OR4A15: variants seen among roughly 807,000 people sequenced by gnomAD.
OR4A15 encodes the protein olfactory receptor family 4 subfamily A member 15, also known as olfactory receptor 4A15.
For synonymous variants in OR4A15, 240 were observed against 135.6 expected, an observed-to-expected ratio of 1.77 and a Z score of -5.35; for missense variants, 657 against 374.7, an observed-to-expected ratio of 1.75 and a Z score of -6.22.
In OR4A15 at chr11:55,368,607, A is replaced by G. The variant is rs539581929; in HGVS notation, c.634A>G (p.Ile212Val). 3 of 1,613,598 alleles carry G rather than the reference A, an allele frequency of 1.9e-6. No individual in the cohort carries two copies. The highest frequency in any genetic ancestry group is 1.7e-5 in the Admixed American group (1 of 59,880). ...GATTTGTGCTGTCACCTTCTTCACT[A>G]TCCTGCTTTCCTATGGGGTCATATT... The change falls in exon 1 of 1, where the codon ATC (isoleucine) becomes GTC (valine). Residue 212 changes from isoleucine (I) to valine (V), a missense_variant. By Grantham distance (29) the Ile-to-Val change is conservative. Transcript: ENST00000641526.
At chr11:55,368,771 T>G (rs1186504493) in exon 1 of OR4A15, 2 of 1,613,624 alleles carry the variant, frequency 1.2e-6, no homozygotes, top group Non-Finnish European at 8.5e-7. Flanking sequence ...TTCCCATTGA[T>G]AAATCCATGA....
At chr11:55,368,408 G>A (rs1273558959) in exon 1 of OR4A15, 2 of 1,613,442 alleles carry the variant, frequency 1.2e-6, no homozygotes, top group Non-Finnish European at 8.5e-7. Flanking sequence ...TGCTGTTGGC[G>A]GCCTGGATTG....
rs771191657 is a variant in OR4A15, at chr11:55,368,458, A to G, written c.485A>G (p.Tyr162Cys). Residue 162 changes from tyrosine (Y) to cysteine (C), a missense_variant, in exon 1 of 1, where the codon TAT becomes TGT. Tyr to Cys is a radical substitution (Grantham distance 194, BLOSUM62 -2). Coordinates refer to ENST00000641526, the Ensembl canonical transcript of OR4A15. ...TCATTGGTTCAATTTCTCTTTATTTATCAGCTCCCTTTCTGTGGACCCAAT... is the reference window on the plus strand; with the variant it reads ...TCATTGGTTCAATTTCTCTTTATTTGTCAGCTCCCTTTCTGTGGACCCAAT... 2.7e-5 allele frequency: 44 copies of G among 1,610,372 alleles called. 1 individual carries two copies. The highest frequency in any genetic ancestry group is 1.5e-4 in the Admixed American group (9 of 59,886).
At chr11:55,368,663 G>T in exon 1 of OR4A15, 1 of 1,613,718 alleles carries the variant, frequency 6.2e-7, no homozygotes, top group Non-Finnish European at 8.5e-7. Context: ...GTTTGGAAGG[G>T]AAACGAAAAG....
chr11:55,368,519 A>G, exon 1 of OR4A15: 2 of 1,613,222 alleles, frequency 1.2e-6, no homozygotes, highest in African/African-American at 1.3e-5. Context: ...TGTATCCCTT[A>G]TTGAAACTTG....
exon 1 of OR4A15, chr11:55,368,044 T>A (rs1853873446): frequency 1.9e-6 from 3 of 1,613,444 alleles, no homozygotes; most frequent in Non-Finnish European, 2.5e-6. Context: ...GGGCAAAAGG[T>A]TTTATTTGTC....
exon 1 of OR4A15, chr11:55,368,789 T>C: frequency 6.2e-7 from 1 of 1,613,712 alleles, no homozygotes; most frequent in Admixed American, 1.7e-5. Context: ...TGACTGTAGT[T>C]CTAACTTTTA....
exon 1 of OR4A15, chr11:55,368,341 C>T (rs1338978608): frequency 7.4e-6 from 12 of 1,612,134 alleles, no homozygotes; most frequent in African/African-American, 2.7e-5. Context: ...CGATACATGG[C>T]CATCTGTAAG....
exon 1 of OR4A15, chr11:55,368,646 A>T (rs1300069646): frequency 1.2e-6 from 2 of 1,613,568 alleles, no homozygotes; most frequent in Admixed American, 3.3e-5. Context: ...CTCTCTTAAG[A>T]CTCAGAGTTT....
chr11:55,368,576 A>T (rs776764091), exon 1 of OR4A15: 20 of 1,613,436 alleles, frequency 1.2e-5, no homozygotes, highest in South Asian at 8.8e-5. Flanking sequence ...TAGCTAATGG[A>T]GGAGCGATTT....
rs147695110 is a variant in OR4A15 at position 55,368,239 on chromosome 11, C to A, written c.266C>A (p.Thr89Asn). 27 of 1,613,798 alleles carry A rather than the reference C, an allele frequency of 1.7e-5. No homozygotes were observed. In the African/African-American group the frequency reaches 3.2e-4, roughly 19 times the overall value. Residue 89 changes from threonine (T) to asparagine (N), a missense_variant, in exon 1 of 1, where the codon ACC becomes AAC. Coordinates refer to ENST00000641526, the Ensembl canonical transcript of OR4A15. ...GTTGACTTGCTCTCTGAGAAAAAGA[C>A]CATTTCCTTTCAGGGTTGTATGGCT... is the stretch of plus-strand genomic sequence containing the variant.
In OR4A15 at chr11:55,368,050, T is replaced by A. The variant is rs768344891; in HGVS notation, c.77T>A (p.Phe26Tyr). ...AACCCTGAGGGGCAAAAGGTTTTAT[T>A]TGTCACATTCTTACTAATCTACATG... The change falls in exon 1 of 1, where the codon TTT (phenylalanine) becomes TAT (tyrosine). Residue 26 changes from phenylalanine to tyrosine, a missense_variant. By Grantham distance (22) the Phe-to-Tyr change is conservative. Coordinates refer to ENST00000641526, the Ensembl canonical transcript of OR4A15. 3.7e-6 allele frequency: 6 copies of A among 1,613,498 alleles called. No homozygotes were observed. In the African/African-American group the frequency reaches 8.0e-5, roughly 22 times the overall value.
At chr11:55,368,086 T>C (rs757743533) in exon 1 of OR4A15, 1 of 1,613,246 alleles carries the variant, frequency 6.2e-7, no homozygotes, top group Non-Finnish European at 8.5e-7. Flanking sequence ...GTGACGATAA[T>C]GGGCAACCTG....
exon 1 of OR4A15, chr11:55,368,810 G>A: frequency 2.5e-6 from 4 of 1,613,360 alleles, no homozygotes; most frequent in Middle Eastern, 1.7e-4. Flanking sequence ...TAACTCCCAT[G>A]CTGAACCCAC....
chr11:55,368,686 G>C, exon 1 of OR4A15: 3 of 1,613,672 alleles, frequency 1.9e-6, no homozygotes, highest in Non-Finnish European at 2.5e-6. Flanking sequence ...TTCTACACCT[G>C]TGCATCCCAC....
exon 1 of OR4A15, chr11:55,368,896 G>C (rs1435373545): frequency 6.2e-7 from 1 of 1,603,674 alleles, no homozygotes; most frequent in African/African-American, 1.3e-5. Flanking sequence ...AGCTTAGCTG[G>C]GAAATGGCTG....
At chr11:55,368,903 G>C in exon 1 of OR4A15, 1 of 1,598,420 alleles carries the variant, frequency 6.3e-7, no homozygotes, top group Non-Finnish European at 8.5e-7. Context: ...CTGGGAAATG[G>C]CTGTATCACT....
At chr11:55,368,016 C>A in exon 1 of OR4A15, 1 of 1,613,386 alleles carries the variant, frequency 6.2e-7, no homozygotes. Context: ...CCTCTTAGGG[C>A]TCACACAGAA....
chr11:55,368,148 T>G, exon 1 of OR4A15: 1 of 1,612,858 alleles, frequency 6.2e-7, no homozygotes, highest in Non-Finnish European at 8.5e-7. Context: ...CCCCATGTAC[T>G]TTTTTCTGGC....
Sources: gnomAD v4.1 joint callset for allele counts on GRCh38, gnomAD v4.1.1 for gene constraint, MANE v1.5 for transcripts, NCBI Gene and HGNC (gene_info 2026-07-23, HGNC 2026-07-21) for gene names.